The following SLC9A9 variants were observed in gnomAD, a reference collection of about 807,000 sequenced individuals.
The protein encoded by SLC9A9 is sodium/hydrogen exchanger 9.
In SLC9A9, 62 loss-of-function variants were observed where a neutral mutation model predicts 77.8. The observed-to-expected ratio is 0.80, with a 90% CI of 0.65 to 0.98. The LOEUF is 0.98. Among genes scored for constraint, SLC9A9 ranks in the 50% least tolerant of loss-of-function variants. The probability of loss-of-function intolerance (pLI) is 0.00; values close to 1 mark genes in which losing one functional copy is unlikely to be tolerated. For missense variants in SLC9A9, 775 were observed against 774.9 expected (o/e 1.00, Z 0.00); for synonymous variants, 320 against 283.5 (o/e 1.13, Z -1.29).
intron 4 of SLC9A9, among the ~76,000 whole-genome samples, chr3:143,783,332 G>A (rs1328947666): frequency 6.6e-6 from 1 of 152,024 alleles, no homozygotes; most frequent in Non-Finnish European, 1.5e-5. Context: ...CTACCTCGCT[G>A]CTGCCCTCCC....
chr3:143,734,681 C>T (rs1206252091), intron 4 of SLC9A9, among the ~76,000 whole-genome samples: 2 of 150,096 alleles, frequency 1.3e-5, no homozygotes, highest in Non-Finnish European at 3.0e-5. Context: ...TTGCAGTGAG[C>T]CAAGATCCCG....
At chr3:143,632,914 T>C (rs2038451055) in intron 6 of SLC9A9, among the ~76,000 whole-genome samples, 1 of 152,202 alleles carries the variant, frequency 6.6e-6, no homozygotes, top group African/African-American at 2.4e-5. Flanking sequence ...CTGTTCCAAG[T>C]CACCAAACTA....
At chr3:143,571,039 T>C (rs2037249373) in intron 8 of SLC9A9, among the ~76,000 whole-genome samples, 1 of 152,190 alleles carries the variant, frequency 6.6e-6, no homozygotes, top group Non-Finnish European at 1.5e-5. Context: ...TATCCCAATT[T>C]CTGAAACCAA....
chr3:143,809,828 T>C (rs2008816742), intron 2 of SLC9A9, among the ~76,000 whole-genome samples: 1 of 152,232 alleles, frequency 6.6e-6, no homozygotes, highest in African/African-American at 2.4e-5. Flanking sequence ...ATTGAACACT[T>C]GAACAGTAGC....
chr3:143,782,485 C>CA (rs2007914670), intron 4 of SLC9A9, among the ~76,000 whole-genome samples: 1 of 152,218 alleles, frequency 6.6e-6, no homozygotes, highest in African/African-American at 2.4e-5. Flanking sequence ...GTTCTGGAGT[C>CA]AGTCACACTT....
chr3:143,715,649 C>T (rs1003168518), intron 4 of SLC9A9, among the ~76,000 whole-genome samples: 1 of 152,120 alleles, frequency 6.6e-6, no homozygotes, highest in African/African-American at 2.4e-5. Context: ...CATAGGTGCT[C>T]AGAAGCTACT....
At chr3:143,768,678 G>A (rs1334102350) in intron 4 of SLC9A9, among the ~76,000 whole-genome samples, 1 of 152,168 alleles carries the variant, frequency 6.6e-6, no homozygotes, top group Non-Finnish European at 1.5e-5. Flanking sequence ...CCTAACAGGT[G>A]TTGAACAAAT....
rs931913353 is a variant in SLC9A9 at position 143,290,990 on chromosome 3, T to C, written c.1605-22010A>G. 3.3e-5 allele frequency among the ~76,000 whole-genome samples: 5 copies of C among 152,320 alleles called. No homozygotes were observed. The South Asian group carries it at 8.3e-4, about 25-fold the overall frequency. On this transcript the variant is annotated intron_variant, in intron 14 of 15. Transcript: ENST00000316549. ...CCTAGCAAAAGGACCTGACACACAG[T>C]TGATGCTCAAAAATGTTTGTTGCAT...
intron 12 of SLC9A9, among the ~76,000 whole-genome samples, chr3:143,391,413 A>T (rs763659339): frequency 6.6e-6 from 1 of 152,254 alleles, no homozygotes; most frequent in Non-Finnish European, 1.5e-5. Context: ...AGGAAAACTA[A>T]AAAACAAAAA....
chr3:143,449,846 T>TAA (rs1559921733), intron 12 of SLC9A9, among the ~76,000 whole-genome samples: 93 of 60,400 alleles, frequency 1.5e-3, no homozygotes, highest in Non-Finnish European at 2.1e-3. Context: ...ATGTATTATA[T>TAA]ATATATAATT....
At chr3:143,567,609 A>T (rs956927528) in intron 8 of SLC9A9, among the ~76,000 whole-genome samples, 6 of 152,204 alleles carry the variant, frequency 3.9e-5, no homozygotes, top group Non-Finnish European at 5.9e-5. Context: ...AAGTTCTTGT[A>T]TGTGACTATT....
intron 6 of SLC9A9, among the ~76,000 whole-genome samples, chr3:143,596,363 CATCAGGT>C (rs1349836172): frequency 6.6e-6 from 1 of 152,166 alleles, no homozygotes; most frequent in African/African-American, 2.4e-5. Context: ...TGGGTCATTT[CATCAGGT>C]ATCAGAGTTC....
At chr3:143,596,752 TC>T (rs1326649604) in intron 6 of SLC9A9, among the ~76,000 whole-genome samples, 1 of 152,166 alleles carries the variant, frequency 6.6e-6, no homozygotes, top group Non-Finnish European at 1.5e-5. Flanking sequence ...AGCCTCGACC[TC>T]CTGGGCTCAA....
At chr3:143,705,216 C>T (rs1933938878) in intron 4 of SLC9A9, among the ~76,000 whole-genome samples, 1 of 151,892 alleles carries the variant, frequency 6.6e-6, no homozygotes, top group African/African-American at 2.4e-5. Flanking sequence ...TTCACGTTAC[C>T]ACTCACTTGT....
chr3:143,602,887 C>T (rs1000778513), intron 6 of SLC9A9, among the ~76,000 whole-genome samples: 1 of 152,322 alleles, frequency 6.6e-6, no homozygotes, highest in East Asian at 1.9e-4. Context: ...AATGGCATTT[C>T]CAAGATTTGT....
Position 143,265,923 on chromosome 3 carries a change from C to T in SLC9A9, c.*779G>A, listed in dbSNP as rs1937697729. 4 of 630,966 alleles carry T rather than the reference C, an allele frequency of 6.3e-6. No homozygotes were observed. Among genetic ancestry groups the T allele is most frequent in the Non-Finnish European group, 1.1e-5 (4 of 349,754 alleles). 39.1% of individuals were successfully genotyped at this position (630,966 alleles called of 1,614,324 possible). On this transcript the variant is annotated 3_prime_UTR_variant, in exon 16 of 16. Transcript: ENST00000316549. ...GACCTGCTGCACAGCCAAGAAGTGA[C>T]TCACATGCAGGCAAGGACGGGAAGG...
chr3:143,274,681 A>G (rs1056471438), intron 14 of SLC9A9, among the ~76,000 whole-genome samples: 2 of 152,202 alleles, frequency 1.3e-5, no homozygotes, highest in African/African-American at 4.8e-5. Flanking sequence ...TTCCAATTCA[A>G]ATATTTCTGT....
rs916519888 is a variant in SLC9A9 at position 143,306,049 on chromosome 3, T to A, written c.1605-37069A>T. Among the ~76,000 whole-genome samples, 14 of 151,880 alleles carry A rather than the reference T, an allele frequency of 9.2e-5. 2 individuals carry two copies. The South Asian group carries it at 2.9e-3, about 32-fold the overall frequency. ...TGTATGACCTGAAAAATCATAAAAATGGAATTTCTTTAAAAAAAAAACCCT... is the reference window on the plus strand; with the variant it reads ...TGTATGACCTGAAAAATCATAAAAAAGGAATTTCTTTAAAAAAAAAACCCT... On this transcript the variant is annotated intron_variant, in intron 14 of 15. Coordinates refer to ENST00000316549, the MANE Select transcript of SLC9A9 (RefSeq NM_173653.4).
At chr3:143,324,793 G>T (rs1366496374) in intron 14 of SLC9A9, among the ~76,000 whole-genome samples, 1 of 152,176 alleles carries the variant, frequency 6.6e-6, no homozygotes, top group African/African-American at 2.4e-5. Flanking sequence ...CTACACTCCA[G>T]CCTGGGCGAT....
Sources: gnomAD v4.1 joint callset for allele counts (sites outside exome capture counted in the v4.1 genomes callset) on GRCh38, gnomAD v4.1.1 for gene constraint, MANE v1.5 for transcripts, NCBI Gene and HGNC (gene_info 2026-07-23, HGNC 2026-07-21) for gene names.